CACNA1S: variants seen among roughly 807,000 people sequenced by gnomAD.
CACNA1S encodes voltage-dependent L-type calcium channel subunit alpha-1S.
Under a neutral mutation model 207.4 loss-of-function variants are expected in CACNA1S, and 126 were observed. The ratio of observed to expected loss-of-function variants is 0.61; its 90% CI spans 0.53 to 0.70. The LOEUF is 0.70. Ranked by LOEUF, CACNA1S falls within the 30% of genes least tolerant of loss-of-function variation. The pLI is 0.00. For missense variants in CACNA1S, 2,349 were observed against 2,422.8 expected, an observed-to-expected ratio of 0.97 and a Z score of 0.64; for synonymous variants, 960 against 932.7, an observed-to-expected ratio of 1.03 and a Z score of -0.53.
Position 201,061,286 on chromosome 1 carries a change from C to T in CACNA1S, c.3236G>A (p.Cys1079Tyr). 1 of 1,614,192 alleles carries T rather than the reference C, an allele frequency of 6.2e-7. No homozygotes were observed. Among genetic ancestry groups the T allele is most frequent in the Non-Finnish European group, 8.5e-7 (1 of 1,180,024 alleles). Residue 1079 changes from cysteine (C) to tyrosine (Y), a missense_variant, in exon 25 of 44, where the codon TGT becomes TAT. Coordinates refer to ENST00000362061, the MANE Select transcript of CACNA1S (RefSeq NM_000069.3). Reference protein sequence around the residue: ...QEQGETEYKNCELDKNQRQCV... With the variant: ...QEQGETEYKNYELDKNQRQCV... ...AGGCACCTGGTTCTTGTCCAGCTCA[C>T]AGTTCTTGTACTCAGTCTCTCCCTG...
Position 201,112,357 on chromosome 1 carries a change from G to A in CACNA1S, c.-18C>T, listed in dbSNP as rs940219355. ...GGCTCCATGGCTTCCCTGGGAATCT[G>A]GCTTTCTCCTGCTCCCCCACCCCAG... On this transcript the variant is annotated 5_prime_UTR_variant, in exon 1 of 44. Coordinates refer to ENST00000362061, the MANE Select transcript of CACNA1S (RefSeq NM_000069.3). 14 of 1,609,546 alleles carry A rather than the reference G, an allele frequency of 8.7e-6. No individual in the cohort carries two copies. In the African/African-American group the frequency reaches 1.7e-4, roughly 20 times the overall value.
chr1:201,061,205 C>T, intron 25 of CACNA1S, 62 bp downstream of exon 25: 1 of 1,480,858 alleles, frequency 6.8e-7, no homozygotes, highest in Non-Finnish European at 9.4e-7. Context: ...GAACCTAGGG[C>T]TTGGGCCAGC....
At chr1:201,057,386 C>T (rs1312347091) in intron 28 of CACNA1S, among the ~76,000 whole-genome samples, 1 of 152,244 alleles carries the variant, frequency 6.6e-6, no homozygotes, top group Non-Finnish European at 1.5e-5. Flanking sequence ...ATATGGACAC[C>T]ACCCTCCCAT....
chr1:201,096,258 A>G lies in CACNA1S; in HGVS notation c.259-2237T>C, dbSNP rs76219657. Among the ~76,000 whole-genome samples the G allele has an allele frequency of 4.0e-3, 606 of 152,278 alleles. 2 individuals carry two copies. The highest frequency in any genetic ancestry group is 0.017 in the Middle Eastern group (5 of 294). On this transcript the variant is annotated intron_variant, in intron 2 of 43. Coordinates refer to ENST00000362061, the MANE Select transcript of CACNA1S (RefSeq NM_000069.3). ...CATACTCCCTCCAGCCCAACCCTGG[A>G]GTGCCTGGAATTAAAACTCAGTACC... is the stretch of plus-strand genomic sequence containing the variant.
chr1:201,082,098 G>A (rs190172562), intron 10 of CACNA1S, among the ~76,000 whole-genome samples: 5 of 143,604 alleles, frequency 3.5e-5, no homozygotes, highest in African/African-American at 7.7e-5. Flanking sequence ...GTGCAATCTC[G>A]GCTCACTGCA....
chr1:201,055,280 T>C (rs1379931068), intron 28 of CACNA1S, among the ~76,000 whole-genome samples: 1 of 152,210 alleles, frequency 6.6e-6, no homozygotes, highest in Non-Finnish European at 1.5e-5. Context: ...GGTCTTCTCA[T>C]TAAACAACAG....
chr1:201,075,517 G>A lies in CACNA1S; in HGVS notation c.1926C>T (p.Ile642=), dbSNP rs1294275087. 3 of 1,613,286 alleles carry A rather than the reference G, an allele frequency of 1.9e-6. No individual in the cohort carries two copies. The highest frequency in any genetic ancestry group is 1.7e-6 in the Non-Finnish European group (2 of 1,179,762). Residue 642 remains isoleucine (I), a synonymous_variant, in exon 13 of 44, where the codon ATC becomes ATT. Transcript: ENST00000362061. ...YPGMLVCIYF[I]ILFVCGNYIL... ...TACAGTTGCCACAGACGAAAAGGAT[G>A]ATGAAGTAAATGCACACAAGCATGC...
Position 201,062,450 on chromosome 1 carries a change from T to C in CACNA1S, c.2906+12A>G. The C allele has an allele frequency of 6.3e-7, 1 of 1,589,684 alleles. No homozygotes were observed. Among genetic ancestry groups the C allele is most frequent in the Non-Finnish European group, 8.6e-7 (1 of 1,166,128 alleles). ...CCCGTGACCGTCCCACTGTGCTCCC[T>C]GCCCCATGTACCTGCACTCCTCCTC... On this transcript the variant is annotated intron_variant, in intron 23 of 43. Transcript: ENST00000362061.
intron 17 of CACNA1S, among the ~76,000 whole-genome samples, chr1:201,069,923 T>C (rs1455167265): frequency 6.6e-6 from 1 of 152,140 alleles, no homozygotes; most frequent in Admixed American, 6.5e-5. Context: ...GGCAGACAGA[T>C]GAAACTCCAC....
In CACNA1S at chr1:201,054,554, A is replaced by C; in HGVS notation, c.3617T>G (p.Leu1206Arg). ...GCAATACAGTCCCCCGCTGGAGGCC[A>C]GGAAAGTCTGTGGAGAAAAGAGACG... ...DVILSEIDTF[L>R]ASSGGLYCLG... Residue 1206 changes from leucine to arginine, a missense_variant, in exon 29 of 44, where the codon CTG becomes CGG. Physicochemically the swap from Leu to Arg is moderately radical, Grantham distance 102. Coordinates refer to ENST00000362061, the MANE Select transcript of CACNA1S (RefSeq NM_000069.3). 1 of 1,613,530 alleles carries C rather than the reference A, an allele frequency of 6.2e-7. No homozygotes were observed. Among genetic ancestry groups the C allele is most frequent in the Non-Finnish European group, 8.5e-7 (1 of 1,179,754 alleles).
chr1:201,092,589 C>T (rs1662277839), intron 3 of CACNA1S, among the ~76,000 whole-genome samples: 1 of 152,184 alleles, frequency 6.6e-6, no homozygotes, highest in Non-Finnish European at 1.5e-5. Flanking sequence ...TTAATTTACT[C>T]AAATTTCCAT....
At chr1:201,106,079 C>A (rs1033997146) in intron 2 of CACNA1S, among the ~76,000 whole-genome samples, 1 of 152,154 alleles carries the variant, frequency 6.6e-6, no homozygotes, top group Admixed American at 6.5e-5. Context: ...CTCCCTACCC[C>A]CATCTGCAGT....
chr1:201,092,542 C>T (rs114188647), intron 3 of CACNA1S, among the ~76,000 whole-genome samples: 1,540 of 152,222 alleles, frequency 0.01, 15 homozygotes, highest in African/African-American at 0.031. Context: ...TTGATAATGC[C>T]CTTTATTTTC....
intron 5 of CACNA1S, among the ~76,000 whole-genome samples, chr1:201,091,384 A>G (rs921221984): frequency 6.9e-6 from 1 of 145,596 alleles, no homozygotes; most frequent in Non-Finnish European, 1.5e-5. Flanking sequence ...AACATACCAC[A>G]TTGTATGTGG....
rs1374669568 is a variant in CACNA1S, at chr1:201,053,170, C to T, written c.3861+39G>A. 2.1e-5 allele frequency: 34 copies of T among 1,613,268 alleles called. No homozygotes were observed. The highest frequency in any genetic ancestry group is 2.6e-5 in the Non-Finnish European group (31 of 1,179,356). ...CCACTGATGCCCCCTCTAACTTGGC[C>T]AAGATCCATGCTTTGGCCTGGGCCC... On this transcript the variant is annotated intron_variant, in intron 31 of 43. Transcript: ENST00000362061. This position sits in a 1 kb window ranked among gnomAD's most constrained non-coding sequence, Gnocchi z 5.1.
intron 27 of CACNA1S, among the ~76,000 whole-genome samples, 160 bp downstream of exon 27, chr1:201,059,029 G>A (rs1432635052): frequency 1.3e-5 from 2 of 152,196 alleles, no homozygotes; most frequent in Admixed American, 1.3e-4. Flanking sequence ...TGCCTGCCCT[G>A]TGTCTGAAGG....
chr1:201,088,290 G>A (rs996028070), intron 6 of CACNA1S, among the ~76,000 whole-genome samples: 3 of 152,132 alleles, frequency 2.0e-5, no homozygotes, highest in Admixed American at 1.3e-4. Context: ...AATGAACAAC[G>A]TCTGTGACCC....
chr1:201,112,120 C>G, intron 1 of CACNA1S, 68 bp downstream of exon 1: 1 of 1,520,916 alleles, frequency 6.6e-7, no homozygotes, highest in East Asian at 2.3e-5. Context: ...AGTTTGTGCT[C>G]TGTGATCACC....
intron 10 of CACNA1S, among the ~76,000 whole-genome samples, chr1:201,078,517 CAAAAAAA>C (rs10581578): frequency 1.2e-4 from 14 of 121,712 alleles, no homozygotes; most frequent in Non-Finnish European, 1.7e-4. Flanking sequence ...AAATTAGCTT[CAAAAAAA>C]AAAAAAAAAA....
Sources: gnomAD v4.1 joint callset for allele counts (sites outside exome capture counted in the v4.1 genomes callset) on GRCh38, gnomAD v4.1.1 for gene constraint, Gnocchi (gnomAD v3.1) non-coding constraint, MANE v1.5 for transcripts, NCBI Gene and HGNC (gene_info 2026-07-23, HGNC 2026-07-21) for gene names.